Variants in NCK2 observed in about 807,000 individuals in gnomAD.
NCK2 encodes the protein cytoplasmic protein NCK2.
NCK2 carries 16 observed loss-of-function variants against 33.9 expected under a neutral mutation model. The observed-to-expected ratio is 0.47, with a 90% CI of 0.32 to 0.72. The LOEUF is 0.72. Among genes scored for constraint, NCK2 ranks in the 30% least tolerant of loss-of-function variants. The pLI, the probability that NCK2 is intolerant of heterozygous loss-of-function variation, is 0.03. For missense variants in NCK2, 418 were observed against 537.3 expected, an observed-to-expected ratio of 0.78 and a Z score of 2.19; for synonymous variants, 273 against 239.9, an observed-to-expected ratio of 1.14 and a Z score of -1.27.
rs565908835 is a variant in NCK2 at position 105,804,030 on chromosome 2, C to T, written c.-200-12400C>T. Among the ~76,000 whole-genome samples, 34 of 152,294 alleles carry T rather than the reference C, an allele frequency of 2.2e-4. No individual in the cohort carries two copies. In the South Asian group the frequency reaches 7.0e-3, roughly 32 times the overall value. On this transcript the variant is annotated intron_variant, in intron 1 of 4. Coordinates refer to ENST00000233154, the MANE Select transcript of NCK2 (RefSeq NM_003581.5). ...CACGTTGAGTGCATCTCTGCCATCC[C>T]TCTCCCTCTCAGTTAGGTTTTGGCT...
chr2:105,751,755 G>A (rs1377799696), intron 1 of NCK2, among the ~76,000 whole-genome samples: 1 of 152,168 alleles, frequency 6.6e-6, no homozygotes. Flanking sequence ...CATGGGAGGA[G>A]AAGAGACTAA....
intron 1 of NCK2, among the ~76,000 whole-genome samples, chr2:105,748,470 G>A (rs1028174807): frequency 1.3e-5 from 2 of 151,874 alleles, no homozygotes; most frequent in African/African-American, 2.4e-5. Flanking sequence ...CTGCATCCTC[G>A]AGCTTCTGGG....
intron 4 of NCK2, among the ~76,000 whole-genome samples, chr2:105,887,297 G>A (rs1020278700): frequency 1.3e-5 from 2 of 152,178 alleles, no homozygotes; most frequent in Non-Finnish European, 1.5e-5. Context: ...CACTTCTGTG[G>A]ACAGAAGAGT....
chr2:105,893,154 A>G lies in NCK2; in HGVS notation c.1121A>G (p.Tyr374Cys), dbSNP rs144762403. The change falls in exon 5 of 5, where the codon TAC (tyrosine) becomes TGC (cysteine). Residue 374 changes from tyrosine to cysteine, a missense_variant. Transcript: ENST00000233154. ...ACCAGCGAGCACGGGGAGAAGCTCT[A>G]CCTCGTCAGGGCCCTGCAGTGACGG... ...IFTSEHGEKL[Y>C]LVRALQ 1.5e-5 allele frequency: 24 copies of G among 1,605,850 alleles called. No individual in the cohort carries two copies. The highest frequency in any genetic ancestry group is 9.0e-5 in the East Asian group (4 of 44,450).
intron 1 of NCK2, among the ~76,000 whole-genome samples, chr2:105,805,675 A>G (rs754321714): frequency 1.3e-5 from 2 of 152,186 alleles, no homozygotes; most frequent in Non-Finnish European, 2.9e-5. Flanking sequence ...TAGATTCCAC[A>G]TATAAATGAG....
intron 1 of NCK2, among the ~76,000 whole-genome samples, chr2:105,776,121 G>A (rs1462242923): frequency 6.6e-6 from 1 of 152,142 alleles, no homozygotes; most frequent in African/African-American, 2.4e-5. Context: ...TGCGGAGCAG[G>A]CCATGCCTGG....
chr2:105,855,492 T>C (rs898213569), intron 3 of NCK2: 1 of 522,688 alleles, frequency 1.9e-6, no homozygotes, highest in Non-Finnish European at 3.4e-6. Context: ...TTCTGGAGTT[T>C]GGGGTCCTGT....
intron 1 of NCK2, among the ~76,000 whole-genome samples, chr2:105,778,472 G>A (rs1390210532): frequency 2.0e-5 from 3 of 152,220 alleles, no homozygotes; most frequent in East Asian, 1.9e-4. Flanking sequence ...AACACTGTGT[G>A]CATGGGGACC....
intron 3 of NCK2, among the ~76,000 whole-genome samples, chr2:105,863,128 C>T (rs1677608037): frequency 6.6e-6 from 1 of 152,224 alleles, no homozygotes; most frequent in Admixed American, 6.5e-5. Flanking sequence ...TGAAAACCAT[C>T]TCTGCTTCTT....
intron 1 of NCK2, among the ~76,000 whole-genome samples, chr2:105,775,861 G>A (rs1386913132): frequency 6.6e-6 from 1 of 152,090 alleles, no homozygotes; most frequent in East Asian, 1.9e-4. Context: ...ATCTGTAAAT[G>A]AGAAACTTGG....
intron 3 of NCK2, among the ~76,000 whole-genome samples, chr2:105,867,819 C>G (rs1229660432): frequency 6.6e-6 from 1 of 152,162 alleles, no homozygotes; most frequent in Non-Finnish European, 1.5e-5. Context: ...TCACCCCTTC[C>G]TAACTAATTA....
At chr2:105,770,635 C>T (rs1431823325) in intron 1 of NCK2, among the ~76,000 whole-genome samples, 2 of 152,110 alleles carry the variant, frequency 1.3e-5, no homozygotes, top group African/African-American at 4.8e-5. Context: ...GTCAGTGATT[C>T]GGATTTGATT....
At chr2:105,751,654 C>G (rs13012641) in intron 1 of NCK2, among the ~76,000 whole-genome samples, 2 of 152,106 alleles carry the variant, frequency 1.3e-5, no homozygotes, top group Non-Finnish European at 2.9e-5. Flanking sequence ...ACTCTCTCCA[C>G]TGGGACTGGT....
intron 1 of NCK2, among the ~76,000 whole-genome samples, chr2:105,802,092 CTGCTTATCAGATT>C (rs1674863143): frequency 1.3e-5 from 2 of 152,188 alleles, no homozygotes; most frequent in Admixed American, 1.3e-4. Flanking sequence ...AGCTGGAAAC[CTGCTTATCAGATT>C]TGCAGACGAT....
intron 2 of NCK2, among the ~76,000 whole-genome samples, chr2:105,824,128 A>G (rs978412885): frequency 2.0e-5 from 3 of 152,018 alleles, no homozygotes; most frequent in Non-Finnish European, 4.4e-5. Flanking sequence ...TTTTTTGCCA[A>G]CATTCCATTT....
chr2:105,822,985 G>A (rs1255348622), intron 2 of NCK2, among the ~76,000 whole-genome samples: 2 of 152,068 alleles, frequency 1.3e-5, no homozygotes, highest in South Asian at 2.1e-4. Context: ...GCCGTGTGGC[G>A]GATGTGTATG....
chr2:105,893,481 AG>A lies in NCK2; in HGVS notation c.*306del. 1 of 314,960 alleles carries A rather than the reference AG, an allele frequency of 3.2e-6. No homozygotes were observed. Among genetic ancestry groups the A allele is most frequent in the East Asian group, 5.8e-5 (1 of 17,194 alleles). The allele number at this position is 314,960 out of a possible 1,614,324, so 19.5% of individuals were successfully genotyped here. A position where few individuals can be genotyped will look rare whatever the true frequency, so the allele number is the denominator to read the frequency against. On this transcript the variant is annotated 3_prime_UTR_variant, in exon 5 of 5. Coordinates refer to ENST00000233154, the MANE Select transcript of NCK2 (RefSeq NM_003581.5). ...CCGCTCATGGAACCCCTCTTTAAAA[AG>A]ACGCAGGGCACCTGTGAGCGCAGGA...
At chr2:105,791,465 C>T (rs567452247) in intron 1 of NCK2, among the ~76,000 whole-genome samples, 19 of 152,260 alleles carry the variant, frequency 1.2e-4, no homozygotes, top group East Asian at 1.2e-3. Flanking sequence ...ACCCTCGCCC[C>T]GTTGCCGTGC....
At chr2:105,878,419 TAAGAAAAGGAGATTGGAACACA>T (rs1032788811) in intron 3 of NCK2, among the ~76,000 whole-genome samples, 2 of 151,994 alleles carry the variant, frequency 1.3e-5, no homozygotes, top group Non-Finnish European at 2.9e-5. Flanking sequence ...GGTGTTCTTA[TAAGAAAAGGAGATTGGAACACA>T]AAGAAAAGGA....
Sources: allele counts gnomAD v4.1 joint callset (sites outside exome capture counted in the v4.1 genomes callset), GRCh38; gene constraint gnomAD v4.1.1; transcripts MANE v1.5; gene names NCBI Gene and HGNC (gene_info 2026-07-23, HGNC 2026-07-21).